Variants in DST observed in about 807,000 individuals in gnomAD.
DST encodes dystonin.
DST carries 253 observed loss-of-function variants against 875.2 expected under a neutral mutation model. The observed-to-expected ratio is 0.29, with a 90% CI of 0.26 to 0.32. The LOEUF (loss-of-function observed/expected upper bound fraction) is 0.32, where lower values mean the gene tolerates loss of function less well. Among genes scored for constraint, DST ranks in the 10% least tolerant of loss-of-function variants. The pLI is 1.00. For synonymous variants in DST, 3,124 were observed against 3,197.1 expected (o/e 0.98, Z 0.77); for missense variants, 8,287 against 9,111.6 (o/e 0.91, Z 3.68).
At chr6:56,833,702 C>G (rs1398650675) in intron 4 of DST, among the ~76,000 whole-genome samples, 1 of 151,910 alleles carries the variant, frequency 6.6e-6, no homozygotes, top group Non-Finnish European at 1.5e-5. Context: ...ATAAATAACA[C>G]ACATAGCTAA....
chr6:56,807,940 C>G (rs1433396833), intron 4 of DST, among the ~76,000 whole-genome samples: 1 of 152,152 alleles, frequency 6.6e-6, no homozygotes, highest in African/African-American at 2.4e-5. Flanking sequence ...ACTTCCAATT[C>G]CAGGCATACT....
At chr6:56,490,071 C>T (rs1433826365) in intron 85 of DST, among the ~76,000 whole-genome samples, 1 of 152,060 alleles carries the variant, frequency 6.6e-6, no homozygotes, top group Non-Finnish European at 1.5e-5. Flanking sequence ...AAGTATAAAG[C>T]TTGTAAATTG....
chr6:56,764,591 A>G (rs1378299791), intron 4 of DST, among the ~76,000 whole-genome samples: 1 of 152,140 alleles, frequency 6.6e-6, no homozygotes, highest in African/African-American at 2.4e-5. Context: ...TGCCTAGCTG[A>G]CAGAAGACAT....
chr6:56,947,208 T>G (rs1201011081), intron 2 of DST, among the ~76,000 whole-genome samples: 2 of 151,894 alleles, frequency 1.3e-5, no homozygotes, highest in Non-Finnish European at 2.9e-5. Context: ...TTTGTTATAG[T>G]TGCTGGAAAA....
At chr6:56,554,468 CAG>C (rs1380503266) in intron 60 of DST, among the ~76,000 whole-genome samples, 1 of 152,150 alleles carries the variant, frequency 6.6e-6, no homozygotes, top group Non-Finnish European at 1.5e-5. Context: ...TTAACCTCTT[CAG>C]AGTTGGAAGA....
intron 90 of DST, among the ~76,000 whole-genome samples, chr6:56,478,013 G>A (rs2095268159): frequency 6.6e-6 from 1 of 151,632 alleles, no homozygotes; most frequent in Admixed American, 6.6e-5. Flanking sequence ...GGATACAGAG[G>A]GCCAACTTTA....
At position 56,608,458 on chromosome 6, in the gene DST, C is replaced by A. The variant is rs1198014422; in HGVS notation, c.6170G>T (p.Ser2057Ile). The A allele has an allele frequency of 6.2e-7, 1 of 1,613,588 alleles. No individual in the cohort carries two copies. The highest frequency in any genetic ancestry group is 8.5e-7 in the Non-Finnish European group (1 of 1,179,782). ...AGCTTCCAGGACCAGAAGAGCACTG[C>A]TGGAAGTTATTAAATCACACTGTAC... ...EAVQCDLITS[S>I]SALLVLEAQR... The change falls in exon 40 of 104, where the codon AGC (serine) becomes ATC (isoleucine). Residue 2057 changes from serine to isoleucine, a missense_variant. This residue lies in a region of DST where 3,138 missense variants were observed against 3,116.6 expected (regional missense o/e 1.01). Transcript: ENST00000680361.
At chr6:56,784,609 T>C (rs1371137452) in intron 4 of DST, among the ~76,000 whole-genome samples, 1 of 152,212 alleles carries the variant, frequency 6.6e-6, no homozygotes, top group Non-Finnish European at 1.5e-5. Context: ...TATTGGTTAT[T>C]GTAGTTATAT....
rs756227570 is a variant in DST, at chr6:56,463,123, G to A, written c.22993C>T (p.Pro7665Ser). 1.4e-5 allele frequency: 23 copies of A among 1,613,188 alleles called. No homozygotes were observed. In the South Asian group the frequency reaches 2.0e-4, roughly 14 times the overall value. ...GACATTTTGCTGTTTGTCAACCATG[G>A]TTTACCATAATTGCGTGTTAAAGGA... ...LHPLTRNYGK[P>S]WLTNSKMSTP... The change falls in exon 102 of 104, where the codon CCA becomes TCA. Residue 7665 changes from proline to serine, a missense_variant. Coordinates refer to ENST00000680361, the MANE Select transcript of DST (RefSeq NM_001374736.1).
chr6:56,519,993 A>G (rs1238206327), intron 69 of DST, among the ~76,000 whole-genome samples: 1 of 152,216 alleles, frequency 6.6e-6, no homozygotes, highest in Non-Finnish European at 1.5e-5. Context: ...GTTGAAACAA[A>G]TGAGAAATTA....
chr6:56,800,279 A>T (rs1374806275), intron 4 of DST, among the ~76,000 whole-genome samples: 11 of 152,214 alleles, frequency 7.2e-5, no homozygotes, highest in Admixed American at 7.2e-4. Context: ...AGTGTTTTGA[A>T]AGTTATTCAA....
intron 5 of DST, among the ~76,000 whole-genome samples, chr6:56,710,371 C>T (rs1288051168): frequency 6.6e-6 from 1 of 152,138 alleles, no homozygotes; most frequent in Non-Finnish European, 1.5e-5. Flanking sequence ...AATCAGCTAT[C>T]TTTAGAAAGA....
intron 49 of DST, among the ~76,000 whole-genome samples, chr6:56,589,340 G>C (rs539550858): frequency 2.3e-4 from 35 of 152,206 alleles, no homozygotes; most frequent in African/African-American, 7.7e-4. Flanking sequence ...TTAATTCCTA[G>C]CAAGTATCAA....
Position 56,607,706 on chromosome 6 carries a change from T to C in DST, c.6922A>G (p.Arg2308Gly). Reference sequence around the variant, plus strand: ...AATTCACTATTGATAACAGTATTTCTCATTTCATTAAATTCTTCATCTATA... The same window carrying C: ...AATTCACTATTGATAACAGTATTTCCCATTTCATTAAATTCTTCATCTATA... Reference protein sequence around the residue: ...CAIDEEFNEMRNTVINSEFSQ... With the variant: ...CAIDEEFNEMGNTVINSEFSQ... The change falls in exon 40 of 104, where the codon AGA becomes GGA. Residue 2308 changes from arginine to glycine, a missense_variant. Coordinates refer to ENST00000680361, the MANE Select transcript of DST (RefSeq NM_001374736.1). 1 of 1,613,522 alleles carries C rather than the reference T, an allele frequency of 6.2e-7. No individual in the cohort carries two copies. Among genetic ancestry groups the C allele is most frequent in the Non-Finnish European group, 8.5e-7 (1 of 1,179,664 alleles).
chr6:56,832,825 G>C (rs34614087), intron 4 of DST, among the ~76,000 whole-genome samples: 30,125 of 151,956 alleles, frequency 0.2, 3,444 homozygotes, highest in African/African-American at 0.3. Flanking sequence ...CTGCAACCTC[G>C]GCCTCCCAGG....
chr6:56,671,537 C>T (rs1184197468), intron 9 of DST, among the ~76,000 whole-genome samples: 1 of 152,174 alleles, frequency 6.6e-6, no homozygotes, highest in Non-Finnish European at 1.5e-5. Context: ...TTCTAAAAGT[C>T]TCTTCCACTG....
intron 4 of DST, among the ~76,000 whole-genome samples, chr6:56,744,185 T>G (rs1389790362): frequency 6.6e-6 from 1 of 150,792 alleles, no homozygotes; most frequent in African/African-American, 2.4e-5. Flanking sequence ...TTGGCCCGAT[T>G]GTTAATGGTG....
chr6:56,719,895 T>C (rs771576616), intron 5 of DST, among the ~76,000 whole-genome samples: 5 of 151,980 alleles, frequency 3.3e-5, no homozygotes, highest in African/African-American at 9.7e-5. Context: ...CACAAGGTAA[T>C]AGAATATCAC....
Position 56,536,914 on chromosome 6 carries a change from G to A in DST, c.16635C>T (p.Pro5545=). 1 of 1,613,832 alleles carries A rather than the reference G, an allele frequency of 6.2e-7. No individual in the cohort carries two copies. Residue 5545 remains proline (P), a synonymous_variant, in exon 62 of 104, where the codon CCC becomes CCT. Coordinates refer to ENST00000680361, the MANE Select transcript of DST (RefSeq NM_001374736.1). Reference sequence around the variant, plus strand: ...TTACATCTTGCTGTTTACCTTGCAAGGGTTCAATCTCTTCTTTCTGGAATA... The same window carrying A: ...TTACATCTTGCTGTTTACCTTGCAAAGGTTCAATCTCTTCTTTCTGGAATA... ...FKVFQKEEIE[P]LQGKQQDVNW...
Sources: allele counts gnomAD v4.1 joint callset (sites outside exome capture counted in the v4.1 genomes callset), GRCh38; gene constraint gnomAD v4.1.1; regional missense constraint gnomAD v4.1.1; transcripts MANE v1.5; gene names NCBI Gene and HGNC (gene_info 2026-07-23, HGNC 2026-07-21).